Variants in CACNA2D3 observed in about 807,000 individuals in gnomAD.
CACNA2D3 encodes calcium voltage-gated channel auxiliary subunit alpha2delta 3, also known as voltage-dependent calcium channel subunit alpha-2/delta-3.
A neutral mutation model predicts 160.6 loss-of-function variants in CACNA2D3; 60 were observed. The observed-to-expected ratio is 0.37, with a 90% CI of 0.30 to 0.46. The LOEUF is 0.46. Ranked by LOEUF, CACNA2D3 falls within the 20% of genes least tolerant of loss-of-function variation. CACNA2D3 has a pLI of 1.00. For missense variants in CACNA2D3, 1,205 were observed against 1,365.0 expected (o/e 0.88, Z 1.85); for synonymous variants, 558 against 492.9 (o/e 1.13, Z -1.75).
intron 35 of CACNA2D3, among the ~76,000 whole-genome samples, chr3:55,067,776 T>A (rs369546394): frequency 1.1e-4 from 16 of 152,098 alleles, no homozygotes; most frequent in African/African-American, 3.9e-4. Context: ...TATAAAGAAT[T>A]TATAGAAATG....
At chr3:54,908,004 G>A (rs1423834471) in intron 27 of CACNA2D3, among the ~76,000 whole-genome samples, 1 of 152,184 alleles carries the variant, frequency 6.6e-6, no homozygotes. Context: ...TGTTAGTAAT[G>A]TTGATATGAG....
chr3:54,460,782 A>G (rs1438262857), intron 4 of CACNA2D3, among the ~76,000 whole-genome samples: 1 of 152,082 alleles, frequency 6.6e-6, no homozygotes, highest in Admixed American at 6.5e-5. Flanking sequence ...TGTTCTGCCT[A>G]ATTGCCCTGG....
chr3:54,842,367 G>C (rs962766838), intron 16 of CACNA2D3, among the ~76,000 whole-genome samples: 1 of 152,110 alleles, frequency 6.6e-6, no homozygotes, highest in Non-Finnish European at 1.5e-5. Context: ...ATTTACTTTA[G>C]TTGGAATTTT....
At chr3:54,464,974 A>G (rs1009239831) in intron 4 of CACNA2D3, among the ~76,000 whole-genome samples, 2 of 152,056 alleles carry the variant, frequency 1.3e-5, no homozygotes, top group Admixed American at 6.5e-5. Flanking sequence ...AACTTCCATA[A>G]TGTGAACATT....
At chr3:54,544,979 G>T (rs1489351706) in intron 5 of CACNA2D3, among the ~76,000 whole-genome samples, 1 of 152,214 alleles carries the variant, frequency 6.6e-6, no homozygotes, top group Non-Finnish European at 1.5e-5. Context: ...TAGCTGCATA[G>T]ATAGCATGTC....
chr3:54,407,190 G>A (rs1699591985), intron 4 of CACNA2D3, among the ~76,000 whole-genome samples: 1 of 152,138 alleles, frequency 6.6e-6, no homozygotes, highest in Non-Finnish European at 1.5e-5. Context: ...TGAGCTTCTA[G>A]CTGTGGGGCG....
intron 14 of CACNA2D3, among the ~76,000 whole-genome samples, chr3:54,833,648 C>T (rs923117658): frequency 6.6e-6 from 1 of 151,944 alleles, no homozygotes; most frequent in Non-Finnish European, 1.5e-5. Context: ...GTATAGAATG[C>T]CTTTCAATCA....
At chr3:54,527,888 G>A (rs929466305) in intron 5 of CACNA2D3, among the ~76,000 whole-genome samples, 1 of 151,996 alleles carries the variant, frequency 6.6e-6, no homozygotes, top group African/African-American at 2.4e-5. Flanking sequence ...GTTTTAGTGG[G>A]GTTTCTTGAA....
intron 11 of CACNA2D3, among the ~76,000 whole-genome samples, chr3:54,722,267 A>G (rs937439779): frequency 6.6e-6 from 1 of 152,096 alleles, no homozygotes; most frequent in African/African-American, 2.4e-5. Context: ...CCATCAGGTC[A>G]TTTATGTTCT....
chr3:54,879,510 C>A (rs1321615984), intron 20 of CACNA2D3, 99 bp downstream of exon 20: 3 of 874,162 alleles, frequency 3.4e-6, no homozygotes, highest in Non-Finnish European at 5.4e-6. Flanking sequence ...TGAAGATAAC[C>A]AAACACCCTG....
chr3:54,957,145 A>G (rs1701917316), intron 27 of CACNA2D3, among the ~76,000 whole-genome samples: 4 of 145,210 alleles, frequency 2.8e-5, no homozygotes, highest in African/African-American at 1.0e-4. Flanking sequence ...ATTCCTATGA[A>G]TCAAGTTATA....
chr3:54,205,334 C>T (rs1701255876), intron 2 of CACNA2D3, among the ~76,000 whole-genome samples: 1 of 152,100 alleles, frequency 6.6e-6, no homozygotes, highest in South Asian at 2.1e-4. Flanking sequence ...CTCAGGTGAT[C>T]CACCCGCCTT....
At chr3:54,978,288 A>G (rs1316740322) in intron 29 of CACNA2D3, among the ~76,000 whole-genome samples, 2 of 152,084 alleles carry the variant, frequency 1.3e-5, no homozygotes, top group Non-Finnish European at 2.9e-5. Flanking sequence ...CACCTCTAAC[A>G]TTTCCCCCGT....
intron 35 of CACNA2D3, among the ~76,000 whole-genome samples, chr3:55,020,688 A>G (rs1266180315): frequency 6.6e-6 from 1 of 151,612 alleles, no homozygotes; most frequent in East Asian, 1.9e-4. Context: ...TGCCTCTACT[A>G]AAAAATACAA....
At chr3:54,827,500 C>T (rs1293752825) in intron 14 of CACNA2D3, among the ~76,000 whole-genome samples, 2 of 152,198 alleles carry the variant, frequency 1.3e-5, no homozygotes, top group Admixed American at 6.5e-5. Flanking sequence ...TTGTCTTCTC[C>T]GTGCTGCTAA....
At chr3:54,446,567 C>G (rs555935814) in intron 4 of CACNA2D3, among the ~76,000 whole-genome samples, 1 of 152,094 alleles carries the variant, frequency 6.6e-6, no homozygotes, top group South Asian at 2.1e-4. Flanking sequence ...TGGGTATTCA[C>G]CTTTTATCAT....
chr3:54,655,156 C>T (rs1486613554), intron 11 of CACNA2D3, among the ~76,000 whole-genome samples: 4 of 152,116 alleles, frequency 2.6e-5, no homozygotes, highest in Admixed American at 6.5e-5. Context: ...ACTGATATGT[C>T]AAGTTCTTAT....
chr3:54,866,752 TG>T (rs753929843), intron 17 of CACNA2D3, among the ~76,000 whole-genome samples: 3 of 152,112 alleles, frequency 2.0e-5, no homozygotes, highest in Non-Finnish European at 4.4e-5. Flanking sequence ...CGCAAAGGGG[TG>T]CTGGTATCCA....
chr3:54,146,829 G>A (rs1700039663), intron 2 of CACNA2D3, among the ~76,000 whole-genome samples: 1 of 152,238 alleles, frequency 6.6e-6, no homozygotes, highest in African/African-American at 2.4e-5. Flanking sequence ...TTGTCACAGG[G>A]TGGCAGCAAG....
Sources: gnomAD v4.1 joint callset for allele counts (sites outside exome capture counted in the v4.1 genomes callset) on GRCh38, gnomAD v4.1.1 for gene constraint, MANE v1.5 for transcripts, NCBI Gene and HGNC (gene_info 2026-07-23, HGNC 2026-07-21) for gene names.